The following ENTPD1 variants were observed in gnomAD, a reference collection of about 807,000 sequenced individuals.
ENTPD1 encodes ectonucleoside triphosphate diphosphohydrolase 1.
Under a neutral mutation model 57.0 loss-of-function variants are expected in ENTPD1, and 33 were observed. The observed-to-expected ratio is 0.58, with a 90% CI of 0.44 to 0.77. ENTPD1 has a LOEUF of 0.77. ENTPD1 is among the 30% of genes least tolerant of loss of function. ENTPD1 has a pLI of 0.00. For synonymous variants in ENTPD1, 202 were observed against 218.8 expected, an observed-to-expected ratio of 0.92 and a Z score of 0.68; for missense variants, 501 against 603.4, an observed-to-expected ratio of 0.83 and a Z score of 1.78.
intron 2 of ENTPD1, among the ~76,000 whole-genome samples, chr10:95,834,470 G>A (rs1418317886): frequency 6.6e-6 from 1 of 152,142 alleles, no homozygotes; most frequent in African/African-American, 2.4e-5. Context: ...CCCTGGAGCA[G>A]AAACCATGAG....
intron 7 of ENTPD1, among the ~76,000 whole-genome samples, chr10:95,852,587 C>T (rs778645264): frequency 2.6e-5 from 4 of 152,036 alleles, no homozygotes; most frequent in Non-Finnish European, 5.9e-5. Flanking sequence ...GTCTTTAATC[C>T]ATCTTGAATT....
chr10:95,706,758 G>C, the ENTPD1 span, among the ~76,000 whole-genome samples: 1 of 152,318 alleles, frequency 6.6e-6, no homozygotes, highest in East Asian at 1.9e-4. Flanking sequence ...GCAGCAGGGA[G>C]TCCCCACTCT....
chr10:95,868,765 A>G lies in ENTPD1; in HGVS notation c.*2382A>G. 3.0e-6 allele frequency: 3 copies of G among 985,404 alleles called. No homozygotes were observed. Among genetic ancestry groups the G allele is most frequent in the Non-Finnish European group, 2.4e-6 (2 of 829,932 alleles). 61.0% of individuals were successfully genotyped at this position (985,404 alleles called of 1,614,324 possible). A position where few individuals can be genotyped will look rare whatever the true frequency, so the allele number is the denominator to read the frequency against. On this transcript the variant is annotated 3_prime_UTR_variant, in exon 10 of 10. Transcript: ENST00000371205. The stretch of plus-strand genomic sequence containing the variant: ...AAACACTTTCCCTCAGCAAGTTGGA[A>G]TTAGACTTCACAAGTCTCCTTCAGA...
At chr10:95,746,379 G>A (rs1047449221) in intron 1 of ENTPD1, among the ~76,000 whole-genome samples, 1 of 152,112 alleles carries the variant, frequency 6.6e-6, no homozygotes, top group Non-Finnish European at 1.5e-5. Context: ...AGAAGGGCTC[G>A]CTAACTTGTC....
At chr10:95,726,817 C>T (rs1417532914) in intron 1 of ENTPD1, among the ~76,000 whole-genome samples, 3 of 152,068 alleles carry the variant, frequency 2.0e-5, no homozygotes, top group African/African-American at 7.2e-5. Context: ...TTTGAGTTCC[C>T]AGTATCATCT....
At chr10:95,715,754 T>C (rs1281729121) in intron 1 of ENTPD1, among the ~76,000 whole-genome samples, 1 of 152,208 alleles carries the variant, frequency 6.6e-6, no homozygotes, top group African/African-American at 2.4e-5. Flanking sequence ...TATAGAGTCA[T>C]TATCTAATTT....
chr10:95,827,468 T>A (rs903389763), intron 2 of ENTPD1, among the ~76,000 whole-genome samples: 32 of 151,166 alleles, frequency 2.1e-4, no homozygotes, highest in African/African-American at 6.8e-4. Flanking sequence ...AAAAAAAAAA[T>A]TTCGTTTTTG....
chr10:95,695,586 T>C, the ENTPD1 span, among the ~76,000 whole-genome samples: 5 of 152,254 alleles, frequency 3.3e-5, no homozygotes, highest in African/African-American at 9.6e-5. Context: ...CAAATATGTT[T>C]TTATGTTGTT....
chr10:95,778,488 T>TTC, intron 1 of ENTPD1, among the ~76,000 whole-genome samples: 1 of 152,336 alleles, frequency 6.6e-6, no homozygotes, highest in African/African-American at 2.4e-5. Flanking sequence ...AAGATTTTTT[T>TTC]CTTAATATCC....
chr10:95,746,486 T>C (rs900134311), intron 1 of ENTPD1, among the ~76,000 whole-genome samples: 4 of 152,156 alleles, frequency 2.6e-5, no homozygotes, highest in Non-Finnish European at 5.9e-5. Flanking sequence ...GGCTGAAACC[T>C]ACCCCAAACT....
At chr10:95,793,022 G>T (rs1483444078) in intron 1 of ENTPD1, among the ~76,000 whole-genome samples, 1 of 152,104 alleles carries the variant, frequency 6.6e-6, no homozygotes, top group Non-Finnish European at 1.5e-5. Flanking sequence ...GGGTGCCTTG[G>T]GATTCCTTAC....
chr10:95,824,429 C>T (rs1224126456), intron 2 of ENTPD1, among the ~76,000 whole-genome samples: 1 of 152,252 alleles, frequency 6.6e-6, no homozygotes, highest in Non-Finnish European at 1.5e-5. Flanking sequence ...GGGTGTCACA[C>T]TGGCATCTTT....
At chr10:95,799,568 C>T (rs961426503) in intron 1 of ENTPD1, among the ~76,000 whole-genome samples, 8 of 152,048 alleles carry the variant, frequency 5.3e-5, no homozygotes, top group African/African-American at 1.2e-4. Flanking sequence ...AAGTTGATTC[C>T]GTGTCTCTGC....
intron 1 of ENTPD1, among the ~76,000 whole-genome samples, chr10:95,735,939 CA>C (rs1387559025): frequency 6.6e-6 from 1 of 150,856 alleles, no homozygotes; most frequent in Non-Finnish European, 1.5e-5. Flanking sequence ...TTTAGCTGAA[CA>C]ATGAATTTGA....
intron 1 of ENTPD1, chr10:95,785,205 A>G (rs2098174289): frequency 6.6e-6 from 1 of 152,166 alleles, no homozygotes; most frequent in Admixed American, 6.6e-5. Context: ...TACAACTTGC[A>G]TTCAAGGGCA....
chr10:95,823,380 C>T lies in ENTPD1; in HGVS notation c.144+16C>T, dbSNP rs746482729. ...AAACGTTAAGGTAAGTCAAATATAT[C>T]TGTGTGTTTGTGTGTATGTAAGAGG... On this transcript the variant is annotated intron_variant, in intron 2 of 9. Coordinates refer to ENST00000371205, the MANE Select transcript of ENTPD1 (RefSeq NM_001776.6). The T allele has an allele frequency of 1.2e-6, 2 of 1,613,474 alleles. No individual in the cohort carries two copies. Among genetic ancestry groups the T allele is most frequent in the African/African-American group, 2.7e-5 (2 of 74,836 alleles).
At chr10:95,719,659 T>G (rs1404911369) in intron 1 of ENTPD1, among the ~76,000 whole-genome samples, 1 of 152,188 alleles carries the variant, frequency 6.6e-6, no homozygotes. Context: ...TAAGAGCGTT[T>G]GGGTGGCTTG....
At chr10:95,732,671 A>C (rs1589653576) in intron 1 of ENTPD1, among the ~76,000 whole-genome samples, 1 of 152,284 alleles carries the variant, frequency 6.6e-6, no homozygotes, top group East Asian at 1.9e-4. Context: ...TATTTCCCTA[A>C]GTGTTGGTCA....
intron 1 of ENTPD1, among the ~76,000 whole-genome samples, chr10:95,803,796 G>T (rs150512538): frequency 0.037 from 5,675 of 152,236 alleles, 130 homozygotes; most frequent in Non-Finnish European, 0.049. Flanking sequence ...GTCCTGAATG[G>T]CATTGCCTAG....
Sources: gnomAD v4.1 joint callset for allele counts (sites outside exome capture counted in the v4.1 genomes callset) on GRCh38, gnomAD v4.1.1 for gene constraint, MANE v1.5 for transcripts, NCBI Gene and HGNC (gene_info 2026-07-23, HGNC 2026-07-21) for gene names.